Variants in GRM3 observed in about 807,000 individuals in gnomAD.
The protein encoded by GRM3 is metabotropic glutamate receptor 3.
Under a neutral mutation model 70.5 loss-of-function variants are expected in GRM3, and 26 were observed. The observed-to-expected ratio is 0.37, with a 90% CI of 0.27 to 0.51. The LOEUF (loss-of-function observed/expected upper bound fraction) is 0.51. Ranked by LOEUF, GRM3 falls within the 20% of genes least tolerant of loss-of-function variation. The pLI, the probability that GRM3 is intolerant of heterozygous loss-of-function variation, is 0.93. For synonymous variants in GRM3, 443 were observed against 434.9 expected (o/e 1.02, Z -0.23); for missense variants, 859 against 1,123.8 (o/e 0.76, Z 3.37).
intron 3 of GRM3, among the ~76,000 whole-genome samples, chr7:86,811,565 C>CTG (rs1258861524): frequency 2.6e-5 from 4 of 151,782 alleles, no homozygotes; most frequent in African/African-American, 9.7e-5. Flanking sequence ...AAACCCTAAA[C>CTG]TGTGCCCTTG....
At chr7:86,672,466 A>G (rs1411870650) in intron 1 of GRM3, among the ~76,000 whole-genome samples, 4 of 152,186 alleles carry the variant, frequency 2.6e-5, no homozygotes, top group Admixed American at 6.5e-5. Context: ...GGGCACGTTT[A>G]TATTGTCTTC....
At chr7:86,673,348 C>T (rs1048560300) in intron 1 of GRM3, among the ~76,000 whole-genome samples, 1 of 152,086 alleles carries the variant, frequency 6.6e-6, no homozygotes, top group Non-Finnish European at 1.5e-5. Context: ...GAGAATGATT[C>T]CTCTCAATTA....
intron 3 of GRM3, among the ~76,000 whole-genome samples, chr7:86,796,197 G>A (rs1476881564): frequency 6.6e-6 from 1 of 152,066 alleles, no homozygotes; most frequent in East Asian, 1.9e-4. Context: ...TAGTTTTGGG[G>A]TTTACATTAA....
chr7:86,836,350 A>G (rs544792554), intron 3 of GRM3, among the ~76,000 whole-genome samples: 1 of 152,362 alleles, frequency 6.6e-6, no homozygotes, highest in South Asian at 2.1e-4. Flanking sequence ...TAGAAACAAC[A>G]TAAATGTTAA....
intron 1 of GRM3, among the ~76,000 whole-genome samples, chr7:86,747,453 G>A (rs1280782013): frequency 6.6e-6 from 1 of 152,046 alleles, no homozygotes; most frequent in Non-Finnish European, 1.5e-5. Flanking sequence ...GGGCAATGGT[G>A]ATATTTAATA....
At chr7:86,736,242 C>T (rs901496464) in intron 1 of GRM3, among the ~76,000 whole-genome samples, 4 of 152,058 alleles carry the variant, frequency 2.6e-5, no homozygotes, top group African/African-American at 7.2e-5. Flanking sequence ...GGTAGGCAAA[C>T]GAGGAAAAGA....
chr7:86,803,522 G>A (rs1230421106), intron 3 of GRM3, among the ~76,000 whole-genome samples: 3 of 152,136 alleles, frequency 2.0e-5, no homozygotes, highest in Non-Finnish European at 4.4e-5. Context: ...AAATATTGTA[G>A]CAATATTTAG....
intron 1 of GRM3, among the ~76,000 whole-genome samples, chr7:86,676,553 A>G (rs1450497320): frequency 6.6e-6 from 1 of 152,056 alleles, no homozygotes; most frequent in Non-Finnish European, 1.5e-5. Flanking sequence ...ATTCTAATTT[A>G]ATGGTATAAT....
At chr7:86,791,430 G>C (rs1476364515) in intron 3 of GRM3, among the ~76,000 whole-genome samples, 1 of 151,644 alleles carries the variant, frequency 6.6e-6, no homozygotes, top group Non-Finnish European at 1.5e-5. Flanking sequence ...CATTTCATTT[G>C]AGATAAATGT....
At chr7:86,788,438 TTA>T (rs1797324756) in intron 3 of GRM3, among the ~76,000 whole-genome samples, 1 of 152,194 alleles carries the variant, frequency 6.6e-6, no homozygotes, top group African/African-American at 2.4e-5. Context: ...TCAAAATCAA[TTA>T]TGTCAGTAAT....
intron 3 of GRM3, among the ~76,000 whole-genome samples, chr7:86,828,185 A>G (rs546563458): frequency 6.6e-6 from 1 of 152,094 alleles, no homozygotes; most frequent in Non-Finnish European, 1.5e-5. Flanking sequence ...GGGTATTTAT[A>G]GACATTTGAT....
intron 3 of GRM3, among the ~76,000 whole-genome samples, chr7:86,820,622 G>T (rs751992902): frequency 9.9e-5 from 15 of 152,004 alleles, no homozygotes; most frequent in Non-Finnish European, 1.9e-4. Context: ...TTATAAAAAT[G>T]GCATTAACTT....
chr7:86,847,541 T>G (rs1798677650), intron 4 of GRM3, among the ~76,000 whole-genome samples: 1 of 152,184 alleles, frequency 6.6e-6, no homozygotes, highest in Non-Finnish European at 1.5e-5. Context: ...ATCATCAATA[T>G]TTAAGCCATG....
intron 3 of GRM3, among the ~76,000 whole-genome samples, chr7:86,827,773 G>T (rs1431914461): frequency 1.3e-5 from 2 of 152,000 alleles, no homozygotes; most frequent in Non-Finnish European, 2.9e-5. Context: ...CAAAGTGCTG[G>T]GATTACAGGC....
chr7:86,755,927 A>G (rs970817122), intron 1 of GRM3, among the ~76,000 whole-genome samples: 5 of 152,166 alleles, frequency 3.3e-5, no homozygotes, highest in African/African-American at 1.2e-4. Flanking sequence ...AGCTAACAAT[A>G]TCTAATGTCT....
chr7:86,688,815 GATAT>G lies in GRM3; in HGVS notation c.-141+43958_-141+43961del, dbSNP rs369715120. Among the ~76,000 whole-genome samples, 525 of 141,608 alleles carry G rather than the reference GATAT, an allele frequency of 3.7e-3. 4 individuals carry two copies. Among genetic ancestry groups the G allele is most frequent in the African/African-American group, 0.013 (494 of 39,132 alleles). 92.9% of individuals were successfully genotyped at this position (141,608 alleles called of 152,430 possible). On this transcript the variant is annotated intron_variant, in intron 1 of 5. Coordinates refer to ENST00000361669, the MANE Select transcript of GRM3 (RefSeq NM_000840.3). ...TATGATATATATCTCTCACACATAT[GATAT>G]ATATATATATATATGTGTTGACTTT...
chr7:86,683,683 CATGGTGGGGACCCATT>C (rs901708621), intron 1 of GRM3, among the ~76,000 whole-genome samples: 31 of 152,140 alleles, frequency 2.0e-4, no homozygotes, highest in African/African-American at 7.2e-4. Context: ...CCATGCCAGA[CATGGTGGGGACCCATT>C]AAGGAATATG....
intron 2 of GRM3, among the ~76,000 whole-genome samples, chr7:86,768,446 GAACACA>G (rs1796658800): frequency 6.6e-6 from 1 of 152,160 alleles, no homozygotes; most frequent in Non-Finnish European, 1.5e-5. Flanking sequence ...AAGTCATATA[GAACACA>G]GCCCTGATCT....
At position 86,776,916 on chromosome 7, in the gene GRM3, C is replaced by T. The variant is rs565776037; in HGVS notation, c.469-9345C>T. On this transcript the variant is annotated intron_variant, in intron 2 of 5. Transcript: ENST00000361669. ...AGGAACTGGAACATGAACCACTTCACTTCTGTGATTTCTCCTGAAAACTAA... is the reference window on the plus strand; with the variant it reads ...AGGAACTGGAACATGAACCACTTCATTTCTGTGATTTCTCCTGAAAACTAA... 2.6e-5 allele frequency among the ~76,000 whole-genome samples: 4 copies of T among 152,296 alleles called. No homozygotes were observed. The East Asian group carries it at 7.7e-4, about 29-fold the overall frequency.
Sources: gnomAD v4.1 joint callset for allele counts (sites outside exome capture counted in the v4.1 genomes callset) on GRCh38, gnomAD v4.1.1 for gene constraint, MANE v1.5 for transcripts, NCBI Gene and HGNC (gene_info 2026-07-23, HGNC 2026-07-21) for gene names.